The following XRCC1 variants were observed in gnomAD, a reference collection of about 807,000 sequenced individuals.
XRCC1 encodes DNA repair protein XRCC1.
In XRCC1, 52 loss-of-function variants were observed where a neutral mutation model predicts 83.3. The ratio of observed to expected loss-of-function variants is 0.62; its 90% confidence interval spans 0.50 to 0.79. The LOEUF is 0.79. Among genes scored for constraint, XRCC1 ranks in the 30% least tolerant of loss-of-function variants. The pLI, the probability that XRCC1 is intolerant of heterozygous loss-of-function variation, is 0.00. For missense variants in XRCC1, 793 were observed against 823.5 expected, an observed-to-expected ratio of 0.96 and a Z score of 0.45; for synonymous variants, 281 against 312.6, an observed-to-expected ratio of 0.90 and a Z score of 1.07.
chr19:43,554,260 C>T (rs1972612554), intron 4 of XRCC1, among the ~76,000 whole-genome samples: 1 of 152,150 alleles, frequency 6.6e-6, no homozygotes, highest in South Asian at 2.1e-4. Context: ...AATGGAGGCC[C>T]AGAGAGCGTA....
intron 2 of XRCC1, among the ~76,000 whole-genome samples, chr19:43,566,531 CA>C (rs34680972): frequency 0.012 from 792 of 66,546 alleles, 3 homozygotes; most frequent in African/African-American, 0.028. Context: ...GACTCTGTCT[CA>C]AAAAAAAAAA....
rs377033786 is a variant in XRCC1, at chr19:43,543,401, C to T, written c.1893G>A (p.Pro631=). ...GTGTATAGCACATACTTCAGGCTTGCGGCACCACCCCATAGAGCTGGTGAG... is the reference window on the plus strand; with the variant it reads ...GTGTATAGCACATACTTCAGGCTTGTGGCACCACCCCATAGAGCTGGTGAG... ...LLPHQLYGVV[P]QA Residue 631 remains proline, a synonymous_variant, in exon 17 of 17, where the codon CCG becomes CCA. Transcript: ENST00000262887. 17 of 1,604,072 alleles carry T rather than the reference C, an allele frequency of 1.1e-5. No individual in the cohort carries two copies. Among genetic ancestry groups the T allele is most frequent in the African/African-American group, 4.3e-5 (3 of 70,162 alleles).
At position 43,544,249 on chromosome 19, in the gene XRCC1, G is replaced by C. The variant is rs990999166; in HGVS notation, c.1622-15C>G. On this transcript the variant is annotated splice_polypyrimidine_tract_variant and intron_variant, in intron 14 of 16. Transcript: ENST00000262887. ...CTGGAAGAAATCTGCAGGAGAGAAG[G>C]GGGCTAAGGTAAGCATGAGGCCCCA... is the stretch of plus-strand genomic sequence containing the variant. 6.3e-7 allele frequency: 1 copy of C among 1,598,936 alleles called. No homozygotes were observed. Among genetic ancestry groups the C allele is most frequent in the East Asian group, 2.2e-5 (1 of 44,604 alleles).
At chr19:43,562,232 C>T (rs1278040474) in intron 2 of XRCC1, among the ~76,000 whole-genome samples, 1 of 151,880 alleles carries the variant, frequency 6.6e-6, no homozygotes, top group African/African-American at 2.4e-5. Context: ...CTCCAATCTG[C>T]TCTGTTGCCT....
chr19:43,568,280 TGAG>T (rs2146069969), intron 2 of XRCC1, among the ~76,000 whole-genome samples: 1 of 152,046 alleles, frequency 6.6e-6, no homozygotes, highest in South Asian at 2.1e-4. Flanking sequence ...GAGGATCACT[TGAG>T]GTCAGGAATT....
intron 2 of XRCC1, among the ~76,000 whole-genome samples, chr19:43,566,361 C>G (rs768065415): frequency 1.3e-5 from 2 of 151,078 alleles, no homozygotes; most frequent in Non-Finnish European, 3.0e-5. Flanking sequence ...GGTGAAACCC[C>G]GTCTCTAGTA....
At chr19:43,553,273 A>G in intron 6 of XRCC1, 128 bp downstream of exon 6, 2 of 1,196,988 alleles carry the variant, frequency 1.7e-6, no homozygotes, top group South Asian at 2.8e-5. Flanking sequence ...CCTGAGACCC[A>G]GGAGTCCAGG....
chr19:43,554,546 G>T, intron 4 of XRCC1, 100 bp downstream of exon 4: 1 of 1,408,050 alleles, frequency 7.1e-7, no homozygotes. Context: ...TGGGACACCA[G>T]CTGTCTACTC....
intron 2 of XRCC1, among the ~76,000 whole-genome samples, chr19:43,566,531 C>CAA (rs34680972): frequency 5.9e-4 from 39 of 66,492 alleles, no homozygotes; most frequent in Middle Eastern, 0.018. Flanking sequence ...GACTCTGTCT[C>CAA]AAAAAAAAAA....
intron 10 of XRCC1, 41 bp downstream of exon 10, chr19:43,551,530 C>A (rs2146048626): frequency 6.4e-7 from 1 of 1,551,026 alleles, no homozygotes; most frequent in South Asian, 1.1e-5. Flanking sequence ...TGGCATTGCC[C>A]AGCACAGGAT....
chr19:43,551,344 C>A (rs545812065), intron 10 of XRCC1, among the ~76,000 whole-genome samples: 1 of 152,218 alleles, frequency 6.6e-6, no homozygotes, highest in East Asian at 1.9e-4. Flanking sequence ...GCTCCTCCAG[C>A]CTTTTCTGAT....
intron 10 of XRCC1, among the ~76,000 whole-genome samples, chr19:43,548,636 G>T (rs1405627712): frequency 1.3e-5 from 2 of 152,122 alleles, no homozygotes; most frequent in Non-Finnish European, 2.9e-5. Flanking sequence ...CAAACACTGC[G>T]GAAGGCCGCA....
At position 43,560,886 on chromosome 19, in the gene XRCC1, G is replaced by A. The variant is rs769949203; in HGVS notation, c.255+24C>T. 5 of 1,578,364 alleles carry A rather than the reference G, an allele frequency of 3.2e-6. No homozygotes were observed. In the African/African-American group the frequency reaches 5.4e-5, roughly 17 times the overall value. On this transcript the variant is annotated intron_variant, in intron 3 of 16. Coordinates refer to ENST00000262887, the MANE Select transcript of XRCC1 (RefSeq NM_006297.3). ...GCATGAGGGGCAGAGGTCAGTATGG[G>A]ATCCATCTCATAGCCCTGCTTACCT...
In XRCC1 at chr19:43,543,455, G is replaced by A; in HGVS notation, c.1839C>T (p.Tyr613=). Residue 613 remains tyrosine, a synonymous_variant, in exon 17 of 17, where the codon TAC becomes TAT. Transcript: ENST00000262887. ...GTAACTTCTGCTTCTCATTGCAACT[G>A]TAGATCCATCGGGGACGAACGAATG... ...SLAFVRPRWI[Y]SCNEKQKLLP... The A allele has an allele frequency of 6.2e-7, 1 of 1,613,272 alleles. No homozygotes were observed.
chr19:43,563,466 T>C (rs943796188), intron 2 of XRCC1, among the ~76,000 whole-genome samples: 7 of 152,084 alleles, frequency 4.6e-5, no homozygotes, highest in Non-Finnish European at 8.8e-5. Context: ...GCACTCCAGC[T>C]TGGGCGATGG....
intron 3 of XRCC1, among the ~76,000 whole-genome samples, chr19:43,557,698 T>TG (rs1390604682): frequency 2.4e-4 from 35 of 143,304 alleles, no homozygotes; most frequent in African/African-American, 8.4e-4. Flanking sequence ...GAGGCTAAGA[T>TG]GGAGAATCGT....
At position 43,551,632 on chromosome 19, in the gene XRCC1, T is replaced by C. The variant is rs751456113; in HGVS notation, c.1138A>G (p.Ile380Val). 8 of 1,614,190 alleles carry C rather than the reference T, an allele frequency of 5.0e-6. No homozygotes were observed. The highest frequency in any genetic ancestry group is 3.3e-5 in the Admixed American group (2 of 60,034). ...TCCAGCACCCACTCCTTACGCACGA[T>C]GCGGCCTCCCAGGCCTAGGACCTGG... ...YSQVLGLGGR[I>V]VRKEWVLDCH... The change falls in exon 10 of 17, where the codon ATC becomes GTC. Residue 380 changes from isoleucine (I) to valine (V), a missense_variant. Physicochemically the swap from Ile to Val is conservative, Grantham distance 29. Coordinates refer to ENST00000262887, the MANE Select transcript of XRCC1 (RefSeq NM_006297.3).
chr19:43,559,724 T>C (rs935554958), intron 3 of XRCC1, among the ~76,000 whole-genome samples: 6 of 152,032 alleles, frequency 3.9e-5, no homozygotes, highest in African/African-American at 9.7e-5. Context: ...CTTGAAGATG[T>C]TGAAATGGGG....
At chr19:43,551,511 C>A in intron 10 of XRCC1, 60 bp downstream of exon 10, 4 of 1,469,304 alleles carry the variant, frequency 2.7e-6, no homozygotes, top group Non-Finnish European at 2.9e-6. Flanking sequence ...TGACTCCCCT[C>A]CAGATTCCTG....
Sources: allele counts gnomAD v4.1 joint callset (sites outside exome capture counted in the v4.1 genomes callset), GRCh38; gene constraint gnomAD v4.1.1; transcripts MANE v1.5; gene names NCBI Gene and HGNC (gene_info 2026-07-23, HGNC 2026-07-21).